The following EDIL3 variants were observed in gnomAD, a reference collection of about 807,000 sequenced individuals.
The protein encoded by EDIL3 is EGF-like repeat and discoidin I-like domain-containing protein 3.
Under a neutral mutation model 67.4 loss-of-function variants are expected in EDIL3, and 37 were observed. The ratio of observed to expected loss-of-function variants is 0.55; its 90% CI spans 0.42 to 0.72. The LOEUF (loss-of-function observed/expected upper bound fraction) is 0.72, where lower values mean the gene tolerates loss of function less well. Ranked by LOEUF, EDIL3 falls within the 30% of genes least tolerant of loss-of-function variation. The pLI is 0.00. For missense variants in EDIL3, 527 were observed against 586.3 expected (o/e 0.90, Z 1.04); for synonymous variants, 195 against 196.3 (o/e 0.99, Z 0.05).
At chr5:84,301,133 T>C (rs922344052) in intron 1 of EDIL3, among the ~76,000 whole-genome samples, 1 of 152,118 alleles carries the variant, frequency 6.6e-6, no homozygotes, top group Non-Finnish European at 1.5e-5. Context: ...GCTGATGTGG[T>C]GGCTCATGCC....
chr5:84,062,006 A>G (rs1353927876), intron 8 of EDIL3, among the ~76,000 whole-genome samples: 1 of 151,898 alleles, frequency 6.6e-6, no homozygotes, highest in Non-Finnish European at 1.5e-5. Flanking sequence ...GGCTCCCCAT[A>G]TTTCCCTTCA....
chr5:84,127,176 T>A (rs962183627), intron 5 of EDIL3, among the ~76,000 whole-genome samples: 1 of 152,074 alleles, frequency 6.6e-6, no homozygotes, highest in Non-Finnish European at 1.5e-5. Flanking sequence ...ATAACTATAG[T>A]TCTATCCATT....
intron 9 of EDIL3, among the ~76,000 whole-genome samples, chr5:84,045,330 GAGA>G (rs1342414661): frequency 6.6e-5 from 10 of 152,128 alleles, no homozygotes; most frequent in East Asian, 1.9e-4. Context: ...AGCTCAGGTG[GAGA>G]AGAAGTCAGG....
chr5:84,022,353 A>G (rs1745733127), intron 9 of EDIL3, among the ~76,000 whole-genome samples: 2 of 151,988 alleles, frequency 1.3e-5, no homozygotes, highest in African/African-American at 2.4e-5. Context: ...AAAGTATTTG[A>G]TAAAATTTCA....
rs551034997 is a variant in EDIL3 at position 84,294,211 on chromosome 5, G to A, written c.68-39999C>T. Among the ~76,000 whole-genome samples the A allele has an allele frequency of 2.6e-5, 4 of 151,530 alleles. No individual in the cohort carries two copies. In the South Asian group the frequency reaches 6.3e-4, roughly 24 times the overall value. ...ATCCTGGCTAACATGGTGAAACCCC[G>A]TCTCTACTAAAAAAATAGAAAAAAT... On this transcript the variant is annotated intron_variant, in intron 1 of 10. Coordinates refer to ENST00000296591, the MANE Select transcript of EDIL3 (RefSeq NM_005711.5).
chr5:84,138,058 C>A (rs372492778), intron 4 of EDIL3, among the ~76,000 whole-genome samples: 2 of 152,128 alleles, frequency 1.3e-5, no homozygotes, highest in Non-Finnish European at 2.9e-5. Context: ...ACAGAGAAAA[C>A]AAATATGACT....
intron 3 of EDIL3, among the ~76,000 whole-genome samples, chr5:84,199,451 C>G (rs1363506521): frequency 6.6e-6 from 1 of 151,844 alleles, no homozygotes; most frequent in African/African-American, 2.4e-5. Context: ...ATCTCTTATA[C>G]TGAGGTAGAT....
At chr5:84,062,334 AC>A (rs1746560446) in intron 8 of EDIL3, among the ~76,000 whole-genome samples, 1 of 151,680 alleles carries the variant, frequency 6.6e-6, no homozygotes, top group Non-Finnish European at 1.5e-5. Flanking sequence ...CCTGCATCCC[AC>A]CCCCCAAGTC....
chr5:84,104,152 C>T (rs931973220), intron 6 of EDIL3, among the ~76,000 whole-genome samples: 8 of 151,818 alleles, frequency 5.3e-5, no homozygotes, highest in African/African-American at 1.9e-4. Context: ...TTTCCCTTAG[C>T]ACCACTTACA....
intron 1 of EDIL3, among the ~76,000 whole-genome samples, chr5:84,312,488 G>A (rs1580071583): frequency 6.8e-6 from 1 of 147,964 alleles, no homozygotes; most frequent in Non-Finnish European, 1.5e-5. Flanking sequence ...CTCCCGGACA[G>A]GGCGGCTGGC....
intron 4 of EDIL3, among the ~76,000 whole-genome samples, chr5:84,147,483 AT>A (rs1748308869): frequency 6.6e-6 from 1 of 152,068 alleles, no homozygotes; most frequent in Non-Finnish European, 1.5e-5. Flanking sequence ...TACCCAACTG[AT>A]TTTAAGGTGG....
intron 1 of EDIL3, among the ~76,000 whole-genome samples, chr5:84,351,230 T>G (rs144005586): frequency 6.6e-4 from 100 of 152,318 alleles, no homozygotes; most frequent in African/African-American, 2.1e-3. Flanking sequence ...TTATCTATTT[T>G]GACTCTTGGC....
rs556714986 is a variant in EDIL3, at chr5:83,956,116, C to G, written c.1293+7089G>C. 4.0e-5 allele frequency among the ~76,000 whole-genome samples: 6 copies of G among 151,710 alleles called. 1 individual carries two copies. The highest frequency in any genetic ancestry group is 3.3e-4 in the Admixed American group (5 of 15,184). On this transcript the variant is annotated intron_variant, in intron 10 of 10. Transcript: ENST00000296591. Reference sequence around the variant, plus strand: ...CATTTCCAGCATGTAGCTAGTTGTTCCATTCTACAGTTGCACTTACATTGG... The same window carrying G: ...CATTTCCAGCATGTAGCTAGTTGTTGCATTCTACAGTTGCACTTACATTGG...
At chr5:84,220,780 T>A (rs1744326025) in intron 3 of EDIL3, among the ~76,000 whole-genome samples, 1 of 152,164 alleles carries the variant, frequency 6.6e-6, no homozygotes, top group African/African-American at 2.4e-5. Flanking sequence ...ACAGAAGGGA[T>A]CTAAGTCTGT....
At chr5:84,141,948 C>CT (rs1561443842) in intron 4 of EDIL3, among the ~76,000 whole-genome samples, 1 of 30,282 alleles carries the variant, frequency 3.3e-5, no homozygotes, top group African/African-American at 1.2e-4. Flanking sequence ...TATATATATA[C>CT]ATAGATCTAT....
intron 6 of EDIL3, among the ~76,000 whole-genome samples, chr5:84,096,943 C>T (rs971178131): frequency 2.0e-5 from 3 of 152,142 alleles, no homozygotes; most frequent in African/African-American, 7.2e-5. Context: ...CAAGCTCTCT[C>T]TCTTTTTGCC....
chr5:84,072,633 A>T (rs1280991432), intron 6 of EDIL3, among the ~76,000 whole-genome samples: 1 of 152,242 alleles, frequency 6.6e-6, no homozygotes, highest in African/African-American at 2.4e-5. Flanking sequence ...GTATCCTACA[A>T]GTATGAGTAA....
intron 9 of EDIL3, among the ~76,000 whole-genome samples, chr5:83,981,062 T>G (rs1235780896): frequency 3.3e-5 from 5 of 152,050 alleles, no homozygotes; most frequent in African/African-American, 1.2e-4. Flanking sequence ...ATGGCAATAC[T>G]CTCCAAATTG....
intron 9 of EDIL3, among the ~76,000 whole-genome samples, chr5:83,997,341 G>A (rs947069499): frequency 6.6e-6 from 1 of 152,144 alleles, no homozygotes; most frequent in South Asian, 2.1e-4. Context: ...GTGGCAATGA[G>A]GATGGAAAGA....
Sources: allele counts gnomAD v4.1 joint callset (sites outside exome capture counted in the v4.1 genomes callset), GRCh38; gene constraint gnomAD v4.1.1; transcripts MANE v1.5; gene names NCBI Gene and HGNC (gene_info 2026-07-23, HGNC 2026-07-21).